The following RPL32 variants were observed in gnomAD, a reference collection of about 807,000 sequenced individuals.
RPL32 encodes ribosomal protein L32.
For synonymous variants in RPL32, 61 were observed against 62.6 expected (o/e 0.98, Z 0.12); for missense variants, 117 against 173.7 (o/e 0.67, Z 1.83).
In RPL32 at chr3:12,835,020, G is replaced by C. The variant is rs375140303; in HGVS notation, c.*1074C>G. 1 of 152,206 alleles carries C rather than the reference G, an allele frequency of 6.6e-6. No homozygotes were observed. Among genetic ancestry groups the C allele is most frequent in the African/African-American group, 2.4e-5 (1 of 41,452 alleles). The allele number at this position is 152,206 out of a possible 1,614,324, so 9.4% of individuals were successfully genotyped here. On this transcript the variant is annotated 3_prime_UTR_variant, in exon 4 of 4. Coordinates refer to ENST00000429711, the MANE Select transcript of RPL32 (RefSeq NM_000994.4). ...ATCTGTAAGATTCCTGTCTAGACTAGAAGTAGAAAAGCTTTATTATACCCA... is the reference window on the plus strand; with the variant it reads ...ATCTGTAAGATTCCTGTCTAGACTACAAGTAGAAAAGCTTTATTATACCCA...
At chr3:12,839,320 C>T (rs1268209144) in intron 3 of RPL32, 29 bp downstream of exon 3, 1 of 1,610,068 alleles carries the variant, frequency 6.2e-7, no homozygotes. Flanking sequence ...CTTCTGATCA[C>T]TGAAAACTAG....
intron 3 of RPL32, 28 bp from the exon 4 acceptor site, chr3:12,836,251 C>T: frequency 6.3e-7 from 1 of 1,599,170 alleles, no homozygotes; most frequent in Non-Finnish European, 8.5e-7. Flanking sequence ...AGGTAAGGAG[C>T]AAGACAGCCC....
chr3:12,839,962 TCA>T (rs1361166774), intron 2 of RPL32, among the ~76,000 whole-genome samples, 178 bp downstream of exon 2: 1 of 152,150 alleles, frequency 6.6e-6, no homozygotes, highest in African/African-American at 2.4e-5. Flanking sequence ...AAGTTTCGCT[TCA>T]CACATCAAGA....
In RPL32 at chr3:12,841,342, G is replaced by A. The variant is rs534994999; in HGVS notation, c.-6+152C>T. On this transcript the variant is annotated intron_variant, in intron 1 of 3. Transcript: ENST00000429711. The stretch of plus-strand genomic sequence containing the variant: ...TGGGACGCAAAGCCCTATCAACTCG[G>A]CGGCTTCGTTCTGTTCCTGTACACG... The A allele has an allele frequency of 4.6e-5, 7 of 152,428 alleles. No homozygotes were observed. In the East Asian group the frequency reaches 9.6e-4, roughly 21 times the overall value. The allele number at this position is 152,428 out of a possible 1,614,324, so 9.4% of individuals were successfully genotyped here.
In RPL32 at chr3:12,834,676, GGTTT is replaced by G. The variant is rs2062085181; in HGVS notation, c.*1414_*1417del. 6.6e-6 allele frequency: 1 copy of G among 152,310 alleles called. No individual in the cohort carries two copies. Among genetic ancestry groups the G allele is most frequent in the African/African-American group, 2.4e-5 (1 of 41,424 alleles). The allele number at this position is 152,310 out of a possible 1,614,324, so 9.4% of individuals were successfully genotyped here. On this transcript the variant is annotated 3_prime_UTR_variant, in exon 4 of 4. Coordinates refer to ENST00000429711, the MANE Select transcript of RPL32 (RefSeq NM_000994.4). ...TGCCACCACCCAGGCATAACCAGTT[GGTTT>G]GTTTCCTTCTGAGGAAGGTTTCAAA...
intron 3 of RPL32, among the ~76,000 whole-genome samples, chr3:12,838,421 A>G (rs529943083): frequency 6.6e-6 from 1 of 152,210 alleles, no homozygotes; most frequent in African/African-American, 2.4e-5. Flanking sequence ...ACAAAAACCA[A>G]TAAAACCCAC....
At chr3:12,838,478 C>T (rs2062118806) in intron 3 of RPL32, among the ~76,000 whole-genome samples, 1 of 152,048 alleles carries the variant, frequency 6.6e-6, no homozygotes, top group Non-Finnish European at 1.5e-5. Context: ...CACCTCTACA[C>T]CTTTGTGTAA....
intron 2 of RPL32, 117 bp downstream of exon 2, chr3:12,840,025 G>C (rs1295467691): frequency 2.4e-6 from 2 of 848,944 alleles, no homozygotes; most frequent in African/African-American, 1.7e-5. Context: ...TATTTCTACA[G>C]AAAGCTCTTC....
chr3:12,840,074 G>C, intron 2 of RPL32, 68 bp downstream of exon 2: 1 of 1,134,714 alleles, frequency 8.8e-7, no homozygotes, highest in Non-Finnish European at 1.3e-6. Flanking sequence ...TCCTGACTAG[G>C]TGATGTCAGA....
chr3:12,839,237 TACA>T, intron 3 of RPL32, 109 bp downstream of exon 3: 1 of 934,562 alleles, frequency 1.1e-6, no homozygotes, highest in Non-Finnish European at 1.7e-6. Context: ...TCAGAGAATG[TACA>T]ACACCCCCCG....
Position 12,840,153 on chromosome 3 carries a change from C to T in RPL32, c.85G>A (p.Val29Ile), listed in dbSNP as rs1225664072. Residue 29 changes from valine (V) to isoleucine (I), a missense_variant, in exon 2 of 4, where the codon GTC becomes ATC. Coordinates refer to ENST00000429711, the MANE Select transcript of RPL32 (RefSeq NM_000994.4). ...CCAGGACCACATACCTTAATTTTGA[C>T]ATATCGGTCTGACTGGTGCCGGATG... ...KFIRHQSDRYVKIKRNWRKPR... is the reference protein window; with the variant it reads ...KFIRHQSDRYIKIKRNWRKPR... 6.2e-7 allele frequency: 1 copy of T among 1,613,512 alleles called. No homozygotes were observed. Among genetic ancestry groups the T allele is most frequent in the African/African-American group, 1.3e-5 (1 of 74,904 alleles).
rs2062092899 is a variant in RPL32, at chr3:12,835,527, G to A, written c.*567C>T. 6.5e-6 allele frequency: 1 copy of A among 153,054 alleles called. No individual in the cohort carries two copies. Among genetic ancestry groups the A allele is most frequent in the African/African-American group, 2.4e-5 (1 of 41,444 alleles). The allele number at this position is 153,054 out of a possible 1,614,324, so 9.5% of individuals were successfully genotyped here. On this transcript the variant is annotated 3_prime_UTR_variant, in exon 4 of 4. Coordinates refer to ENST00000429711, the MANE Select transcript of RPL32 (RefSeq NM_000994.4). ...TAACATTATACCTGAAGCAGCAGCT[G>A]GTGGGAGGGTTATAGGAGACTGAAA...
chr3:12,840,370 T>G (rs754956934), intron 1 of RPL32, 128 bp from the exon 2 acceptor site: 3 of 785,694 alleles, frequency 3.8e-6, no homozygotes, highest in Non-Finnish European at 6.8e-6. Flanking sequence ...ATGGAATGGG[T>G]GCCTCTGCCA....
Position 12,835,130 on chromosome 3 carries a change from A to G in RPL32, c.*964T>C, listed in dbSNP as rs1327504882. ...CTGTCTCATAAGTACCACATCCCAT[A>G]TCCCTCATGACCTATATACTACAGA... On this transcript the variant is annotated 3_prime_UTR_variant, in exon 4 of 4. Transcript: ENST00000429711. 6.6e-6 allele frequency: 1 copy of G among 152,180 alleles called. No homozygotes were observed. Among genetic ancestry groups the G allele is most frequent in the Non-Finnish European group, 1.5e-5 (1 of 68,040 alleles). 9.4% of individuals were successfully genotyped at this position (152,180 alleles called of 1,614,324 possible). A position where few individuals can be genotyped will look rare whatever the true frequency, so the allele number is the denominator to read the frequency against.
chr3:12,840,044 A>C (rs923211367), intron 2 of RPL32, 98 bp downstream of exon 2: 15 of 984,660 alleles, frequency 1.5e-5, no homozygotes, highest in Non-Finnish European at 2.4e-5. Flanking sequence ...TCCACAAGCC[A>C]GTTCATCGGT....
At chr3:12,840,824 A>T (rs2062146141) in intron 1 of RPL32, 1 of 236,756 alleles carries the variant, frequency 4.2e-6, no homozygotes, top group African/African-American at 2.2e-5. Context: ...CACCTTCCTC[A>T]GTGTGGTCTT....
chr3:12,835,969 A>G lies in RPL32; in HGVS notation c.*125T>C. ...AAATGGGAGATTCCAAAGGGGCTTA[A>G]GCAAAAGAACAATCTCTGTGGCAAA... On this transcript the variant is annotated 3_prime_UTR_variant, in exon 4 of 4. Coordinates refer to ENST00000429711, the MANE Select transcript of RPL32 (RefSeq NM_000994.4). The G allele has an allele frequency of 2.5e-6, 3 of 1,198,726 alleles. No individual in the cohort carries two copies. The highest frequency in any genetic ancestry group is 1.4e-5 in the South Asian group (1 of 71,112). 74.3% of individuals were successfully genotyped at this position (1,198,726 alleles called of 1,614,324 possible). A position where few individuals can be genotyped will look rare whatever the true frequency, so the allele number is the denominator to read the frequency against.
Position 12,840,166 on chromosome 3 carries a change from C to G in RPL32, c.72G>C (p.Gln24His). The G allele has an allele frequency of 6.2e-7, 1 of 1,614,000 alleles. No individual in the cohort carries two copies. The highest frequency in any genetic ancestry group is 8.5e-7 in the Non-Finnish European group (1 of 1,179,848). The change falls in exon 2 of 4, where the codon CAG (glutamine) becomes CAC (histidine). Residue 24 changes from glutamine to histidine, a missense_variant. By Grantham distance (24) the Gln-to-His change is conservative. Coordinates refer to ENST00000429711, the MANE Select transcript of RPL32 (RefSeq NM_000994.4). ...KKRTKKFIRH[Q>H]SDRYVKIKRN... ...CCTTAATTTTGACATATCGGTCTGA[C>G]TGGTGCCGGATGAACTTCTTGGTTC...
In RPL32 at chr3:12,841,531, G is replaced by C. The variant is rs565623214; in HGVS notation, c.-43C>G. On this transcript the variant is annotated 5_prime_UTR_variant, in exon 1 of 4. Transcript: ENST00000429711. ...GGCTGCCACCTCCGTAGGCAGCGCCGAGGAAGAGAGAAGGGACGGTGGCGC... is the reference window on the plus strand; with the variant it reads ...GGCTGCCACCTCCGTAGGCAGCGCCCAGGAAGAGAGAAGGGACGGTGGCGC... The C allele has an allele frequency of 4.6e-5, 7 of 152,390 alleles. No individual in the cohort carries two copies. The highest frequency in any genetic ancestry group is 1.4e-4 in the African/African-American group (6 of 41,586). 9.4% of individuals were successfully genotyped at this position (152,390 alleles called of 1,614,324 possible). A position where few individuals can be genotyped will look rare whatever the true frequency, so the allele number is the denominator to read the frequency against.
Sources: gnomAD v4.1 joint callset for allele counts (sites outside exome capture counted in the v4.1 genomes callset) on GRCh38, gnomAD v4.1.1 for gene constraint, MANE v1.5 for transcripts, NCBI Gene and HGNC (gene_info 2026-07-23, HGNC 2026-07-21) for gene names.